PDHX: variants seen among roughly 807,000 people sequenced by gnomAD.
PDHX encodes the protein pyruvate dehydrogenase complex component X.
A neutral mutation model predicts 55.3 loss-of-function variants in PDHX; 33 were observed. The observed-to-expected ratio is 0.60, with a 90% CI of 0.45 to 0.80. The LOEUF is 0.80. Among genes scored for constraint, PDHX ranks in the 30% least tolerant of loss-of-function variants. The pLI is 0.00. For missense variants in PDHX, 622 were observed against 619.9 expected (o/e 1.00, Z -0.04); for synonymous variants, 226 against 219.4 (o/e 1.03, Z -0.27).
At chr11:34,926,382 A>G (rs933403367) in intron 1 of PDHX, among the ~76,000 whole-genome samples, 5 of 152,194 alleles carry the variant, frequency 3.3e-5, no homozygotes, top group African/African-American at 9.6e-5. Flanking sequence ...CTCTCTCCCT[A>G]TTAGAGAAGA....
At chr11:34,938,897 A>G (rs1286797187) in intron 2 of PDHX, among the ~76,000 whole-genome samples, 1 of 152,244 alleles carries the variant, frequency 6.6e-6, no homozygotes, top group Non-Finnish European at 1.5e-5. Flanking sequence ...TGCTCTTAAA[A>G]TTCTGTGTTC....
intron 8 of PDHX, among the ~76,000 whole-genome samples, chr11:34,984,173 A>G (rs927350938): frequency 2.0e-5 from 3 of 152,202 alleles, no homozygotes; most frequent in African/African-American, 7.2e-5. Flanking sequence ...AAAGTAAGGA[A>G]TAATGTGATC....
intron 3 of PDHX, among the ~76,000 whole-genome samples, chr11:34,953,418 A>G (rs2133969091): frequency 6.6e-6 from 1 of 152,336 alleles, no homozygotes; most frequent in East Asian, 1.9e-4. Flanking sequence ...AGCTGGAGGC[A>G]TCATGCTACG....
intron 1 of PDHX, among the ~76,000 whole-genome samples, chr11:34,923,739 A>T (rs1293362749): frequency 6.6e-6 from 1 of 152,156 alleles, no homozygotes; most frequent in Non-Finnish European, 1.5e-5. Context: ...CTAAATTTTA[A>T]TCCTTTTGAG....
At chr11:34,946,260 G>A (rs577550410) in intron 2 of PDHX, among the ~76,000 whole-genome samples, 23 of 151,152 alleles carry the variant, frequency 1.5e-4, no homozygotes, top group Admixed American at 3.9e-4. Context: ...TTTCTAATTC[G>A]TTTTTTTATT....
intron 3 of PDHX, among the ~76,000 whole-genome samples, chr11:34,950,499 A>G (rs867455802): frequency 0.013 from 1,925 of 150,038 alleles, 43 homozygotes; most frequent in African/African-American, 0.045. Context: ...AGCATTAGGT[A>G]TATCTCCTAA....
chr11:34,989,667 T>C (rs1248772140), intron 9 of PDHX, among the ~76,000 whole-genome samples: 4 of 152,166 alleles, frequency 2.6e-5, no homozygotes, highest in Non-Finnish European at 5.9e-5. Flanking sequence ...TTTTCATCAT[T>C]GGTTTCTCAG....
At chr11:34,919,001 T>G (rs1440400693) in intron 1 of PDHX, among the ~76,000 whole-genome samples, 1 of 152,242 alleles carries the variant, frequency 6.6e-6, no homozygotes, top group East Asian at 1.9e-4. Context: ...ATCTCAAGGT[T>G]GAGTAGAAAC....
chr11:34,928,579 A>G (rs2133943879), intron 1 of PDHX, among the ~76,000 whole-genome samples: 1 of 151,372 alleles, frequency 6.6e-6, no homozygotes, highest in East Asian at 1.9e-4. Flanking sequence ...TGATTTTTTC[A>G]TCAAGCCATG....
intron 6 of PDHX, 51 bp from the exon 7 acceptor site, chr11:34,970,084 TTTTA>T: frequency 6.5e-7 from 1 of 1,537,000 alleles, no homozygotes. Context: ...TTGTTTTTTG[TTTTA>T]TTTTTCTATT....
chr11:34,932,802 C>T (rs1854210498), intron 2 of PDHX, among the ~76,000 whole-genome samples: 1 of 152,138 alleles, frequency 6.6e-6, no homozygotes, highest in Admixed American at 6.5e-5. Flanking sequence ...GGCTGTTTAT[C>T]ACAGCACTGT....
intron 2 of PDHX, among the ~76,000 whole-genome samples, chr11:34,935,970 C>T (rs1409718): frequency 6.6e-6 from 1 of 152,018 alleles, no homozygotes; most frequent in Non-Finnish European, 1.5e-5. Context: ...AGAGTTTAGG[C>T]AGTGGGCAGG....
chr11:34,947,405 C>T lies in PDHX; in HGVS notation c.242-101C>T, dbSNP rs2274134. On this transcript the variant is annotated intron_variant, in intron 2 of 10. Coordinates refer to ENST00000227868, the MANE Select transcript of PDHX (RefSeq NM_003477.3). ...TATTTCCACAACCCAGAAATAGCTA[C>T]GGAATATTTTGGTATTTATTTATGT... 2.1e-3 allele frequency: 1,635 copies of T among 790,794 alleles called. 40 individuals are homozygous for T. The East Asian group carries it at 0.037, about 18-fold the overall frequency. 49.0% of individuals were successfully genotyped at this position (790,794 alleles called of 1,614,324 possible). A position where few individuals can be genotyped will look rare whatever the true frequency, so the allele number is the denominator to read the frequency against.
chr11:34,964,536 G>A (rs1353143749), intron 5 of PDHX, among the ~76,000 whole-genome samples: 1 of 152,050 alleles, frequency 6.6e-6, no homozygotes, highest in African/African-American at 2.4e-5. Context: ...CCCTGGAGGC[G>A]GTGGTTGCAG....
In PDHX at chr11:34,987,559, T is replaced by C. The variant is rs182124549; in HGVS notation, c.1182+2831T>C. 3.9e-5 allele frequency among the ~76,000 whole-genome samples: 6 copies of C among 152,168 alleles called. No homozygotes were observed. In the East Asian group the frequency reaches 1.2e-3, roughly 29 times the overall value. On this transcript the variant is annotated intron_variant, in intron 9 of 10. Transcript: ENST00000227868. ...GAGCTCCTGCAAAATTAGTTTTTTG[T>C]TGAAGTGGTTTATCTTGTAAGCATG...
At chr11:34,933,410 T>C (rs1359828697) in intron 2 of PDHX, among the ~76,000 whole-genome samples, 4 of 152,242 alleles carry the variant, frequency 2.6e-5, no homozygotes, top group Non-Finnish European at 5.9e-5. Flanking sequence ...AATCGTATTA[T>C]GCTTGTTATG....
upstream of PDHX, chr11:34,915,948 C>T (rs966253127): frequency 3.4e-5 from 19 of 556,492 alleles, no homozygotes; most frequent in Admixed American, 6.5e-5. Context: ...GGTGAGGTCA[C>T]CTAAACGCTC....
At chr11:34,992,790 G>T (rs536032463) in intron 10 of PDHX, among the ~76,000 whole-genome samples, 60 of 152,066 alleles carry the variant, frequency 3.9e-4, no homozygotes, top group African/African-American at 1.4e-3. Flanking sequence ...CTTCCAGTTC[G>T]GGGCTATTAC....
At position 34,931,476 on chromosome 11, in the gene PDHX, A is replaced by T; in HGVS notation, c.233A>T (p.Lys78Ile). 1.3e-6 allele frequency: 2 copies of T among 1,592,288 alleles called. No individual in the cohort carries two copies. The highest frequency in any genetic ancestry group is 1.7e-4 in the Middle Eastern group (1 of 6,022). The change falls in exon 2 of 11, where the codon AAA becomes ATA. Residue 78 changes from lysine (K) to isoleucine (I), a missense_variant. By Grantham distance (102) the Lys-to-Ile change is moderately radical. Transcript: ENST00000227868. ...GAAGGAAACATTGTGAAATGGCTGA[A>T]AAAGGAAGGTGAGGAGGTACCTTCC... is the stretch of plus-strand genomic sequence containing the variant. ...MEEGNIVKWL[K>I]KEGEAVSAGD... is the part of the protein sequence containing the mutation.
Sources: allele counts gnomAD v4.1 joint callset (sites outside exome capture counted in the v4.1 genomes callset), GRCh38; gene constraint gnomAD v4.1.1; transcripts MANE v1.5; gene names NCBI Gene and HGNC (gene_info 2026-07-23, HGNC 2026-07-21).